PTK2B: variants seen among roughly 807,000 people sequenced by gnomAD.
PTK2B encodes protein tyrosine kinase 2 beta.
Under a neutral mutation model 142.9 loss-of-function variants are expected in PTK2B, and 71 were observed. That is an observed-to-expected ratio of 0.50 (90% confidence interval 0.41 to 0.61). The LOEUF (loss-of-function observed/expected upper bound fraction) is 0.61. PTK2B is among the 20% of genes least tolerant of loss of function. The probability of loss-of-function intolerance (pLI) is 0.00; values close to 1 mark genes in which losing one functional copy is unlikely to be tolerated. For synonymous variants in PTK2B, 519 were observed against 503.4 expected (o/e 1.03, Z -0.42); for missense variants, 1,105 against 1,320.4 (o/e 0.84, Z 2.53).
At position 27,436,334 on chromosome 8, in the gene PTK2B, G is replaced by T; in HGVS notation, c.1327G>T (p.Val443Phe). Residue 443 changes from valine (V) to phenylalanine (F), a missense_variant, in exon 15 of 31, where the codon GTC (valine) becomes TTC (phenylalanine). Val to Phe is a conservative substitution (Grantham distance 50). Transcript: ENST00000346049. ...EGFFGEVYEGVYTNHKGEKIN... is the reference protein window; with the variant it reads ...EGFFGEVYEGFYTNHKGEKIN... The stretch of plus-strand genomic sequence containing the variant: ...CTTTTTTGGGGAGGTCTATGAAGGT[G>T]TCTACACAAATCACGTGAGTTCTAG... The T allele has an allele frequency of 3.7e-6, 6 of 1,613,336 alleles. No homozygotes were observed. Among genetic ancestry groups the T allele is most frequent in the Non-Finnish European group, 5.1e-6 (6 of 1,179,294 alleles).
At chr8:27,320,140 A>T (rs1803179875) in intron 3 of PTK2B, among the ~76,000 whole-genome samples, 1 of 152,008 alleles carries the variant, frequency 6.6e-6, no homozygotes, top group South Asian at 2.1e-4. Context: ...TGCGATTCAA[A>T]CTGTGAGGTA....
intron 1 of PTK2B, among the ~76,000 whole-genome samples, chr8:27,392,638 C>T (rs374427879): frequency 6.6e-4 from 100 of 152,194 alleles, no homozygotes; most frequent in South Asian, 4.2e-3. Context: ...GCAGGGTGAG[C>T]GCAAGGGAAG....
At chr8:27,371,175 TG>T (rs1308618280) in intron 1 of PTK2B, among the ~76,000 whole-genome samples, 5 of 152,194 alleles carry the variant, frequency 3.3e-5, no homozygotes. Context: ...ATTACAGGCA[TG>T]AGCCAACACA....
At chr8:27,451,898 G>GTTTTTTA in intron 27 of PTK2B, 1 of 464,024 alleles carries the variant, frequency 2.2e-6, no homozygotes, top group Non-Finnish European at 3.0e-6. Context: ...AGGCCTGAGG[G>GTTTTTTA]ACAGAGGAGA....
intron 1 of PTK2B, among the ~76,000 whole-genome samples, chr8:27,332,658 A>T (rs2322607): frequency 0.74 from 111,890 of 151,962 alleles, 41,829 homozygotes; most frequent in African/African-American, 0.82. Context: ...CACACCTCAC[A>T]GCAACCTTGA....
chr8:27,361,464 T>C (rs1267152595), intron 1 of PTK2B, among the ~76,000 whole-genome samples: 1 of 152,200 alleles, frequency 6.6e-6, no homozygotes, highest in Non-Finnish European at 1.5e-5. Flanking sequence ...CCTCAAGCGA[T>C]GCTCCCACTT....
intron 1 of PTK2B, among the ~76,000 whole-genome samples, chr8:27,349,227 A>G (rs1804896948): frequency 6.6e-6 from 1 of 152,142 alleles, no homozygotes; most frequent in Non-Finnish European, 1.5e-5. Context: ...TGTATTTCCA[A>G]TCCCAGATCC....
Position 27,458,463 on chromosome 8 carries a change from AC to A in PTK2B, c.2986del (p.Gln996ArgfsTer105). ...GCCAAGAACCTGCTCGACGCTGTGG[AC>A]CAGGCCAAGGTTCTGGCCAATCTGG... is the stretch of plus-strand genomic sequence containing the variant. ...VDAKNLLDAV[D>X]QAKVLANLAH... On this transcript the variant is annotated frameshift_variant, in exon 31 of 31. Transcript: ENST00000346049. LOFTEE classifies it high-confidence loss of function. The A allele has an allele frequency of 1.3e-6, 2 of 1,599,844 alleles. No homozygotes were observed. Among genetic ancestry groups the A allele is most frequent in the Non-Finnish European group, 1.7e-6 (2 of 1,173,278 alleles).
rs370100538 is a variant in PTK2B, at chr8:27,442,871, G to T, written c.2040-4G>T. 30 of 1,612,388 alleles carry T rather than the reference G, an allele frequency of 1.9e-5. No individual in the cohort carries two copies. In the African/African-American group the frequency reaches 3.1e-4, roughly 16 times the overall value. Reference sequence around the variant, plus strand: ...CTCTCCTTATCTGACGTGACTCCCTGCAGTGACGTTTATCAGATGGAGAAG... The same window carrying T: ...CTCTCCTTATCTGACGTGACTCCCTTCAGTGACGTTTATCAGATGGAGAAG... On this transcript the variant is annotated splice_region_variant and splice_polypyrimidine_tract_variant and intron_variant, in intron 21 of 30. Coordinates refer to ENST00000346049, the MANE Select transcript of PTK2B (RefSeq NM_173176.3).
chr8:27,369,533 G>A lies in PTK2B; in HGVS notation c.-37-28015G>A, dbSNP rs187291594. Among the ~76,000 whole-genome samples the A allele has an allele frequency of 6.6e-4, 99 of 149,612 alleles. No individual in the cohort carries two copies. In the Middle Eastern group the frequency reaches 0.012, roughly 18 times the overall value. On this transcript the variant is annotated intron_variant, in intron 1 of 30. Coordinates refer to ENST00000346049, the MANE Select transcript of PTK2B (RefSeq NM_173176.3). The stretch of plus-strand genomic sequence containing the variant: ...AAAAATACAAAAATTAGCCAGGCGT[G>A]GTGGTGGGTGCCTTTTGTCCCAGCT...
In PTK2B at chr8:27,383,737, G is replaced by C. The variant is rs1288101527; in HGVS notation, c.-37-13811G>C. Among the ~76,000 whole-genome samples the C allele has an allele frequency of 2.6e-5, 4 of 152,228 alleles. No homozygotes were observed. In the South Asian group the frequency reaches 8.3e-4, roughly 32 times the overall value. ...GTCTCACTCTGTTGCCCAGGCTGGA[G>C]TACATTGGCACCATCATAGCTCACT... On this transcript the variant is annotated intron_variant, in intron 1 of 30. Coordinates refer to ENST00000346049, the MANE Select transcript of PTK2B (RefSeq NM_173176.3).
intron 30 of PTK2B, among the ~76,000 whole-genome samples, chr8:27,457,467 A>G (rs989656766): frequency 6.6e-6 from 1 of 152,198 alleles, no homozygotes; most frequent in East Asian, 1.9e-4. Context: ...TTCAACTTCT[A>G]TTATTTAAGA....
intron 2 of PTK2B, among the ~76,000 whole-genome samples, chr8:27,399,898 T>C (rs1808271730): frequency 6.6e-6 from 1 of 152,184 alleles, no homozygotes; most frequent in African/African-American, 2.4e-5. Flanking sequence ...CTTCAGTCTC[T>C]TCACCCGGGG....
At position 27,350,988 on chromosome 8, in the gene PTK2B, AAAATATATATATATATATAT is replaced by A. The variant is rs1481572968; in HGVS notation, c.-38+25309_-38+25328del. On this transcript the variant is annotated intron_variant, in intron 1 of 30. Coordinates refer to ENST00000346049, the MANE Select transcript of PTK2B (RefSeq NM_173176.3). ...AAGTCTCCGTCTCAAAAAAAAAAAAAAAATATATATATATATATATATATATATATATATATATATATATA... is the reference window on the plus strand; with the variant it reads ...AAGTCTCCGTCTCAAAAAAAAAAAAAATATATATATATATATATATATATA... Among the ~76,000 whole-genome samples, 37 of 16,210 alleles carry A rather than the reference AAAATATATATATATATATAT, an allele frequency of 2.3e-3. 9 individuals are homozygous for A. Among genetic ancestry groups the A allele is most frequent in the African/African-American group, 7.4e-3 (34 of 4,578 alleles). 10.6% of individuals were successfully genotyped at this position (16,210 alleles called of 152,430 possible).
chr8:27,311,129 C>T (rs1195465299), upstream of PTK2B: 3 of 1,602,060 alleles, frequency 1.9e-6, no homozygotes, highest in South Asian at 3.4e-5. Flanking sequence ...GTTGTGGCCG[C>T]AGCGCAGAGT....
chr8:27,415,023 C>T (rs1264053623), intron 2 of PTK2B, among the ~76,000 whole-genome samples: 3 of 152,136 alleles, frequency 2.0e-5, no homozygotes, highest in East Asian at 1.9e-4. Context: ...CACCAGTCTG[C>T]GAAGGAGATT....
At chr8:27,415,854 G>C (rs372917841) in intron 2 of PTK2B, among the ~76,000 whole-genome samples, 2 of 152,136 alleles carry the variant, frequency 1.3e-5, no homozygotes, top group African/African-American at 4.8e-5. Flanking sequence ...TGTTGAAAAT[G>C]ATAAAACATT....
chr8:27,397,853 CA>C, intron 2 of PTK2B, 65 bp downstream of exon 2: 4 of 554,238 alleles, frequency 7.2e-6, no homozygotes, highest in Non-Finnish European at 1.1e-5. Context: ...GGCAGCTGAG[CA>C]GCTCTCCTGC....
intron 1 of PTK2B, among the ~76,000 whole-genome samples, chr8:27,381,713 GT>G (rs952546958): frequency 6.6e-6 from 1 of 152,162 alleles, no homozygotes; most frequent in African/African-American, 2.4e-5. Flanking sequence ...TCTATTTGTA[GT>G]TTTTTTGAGG....
Sources: allele counts gnomAD v4.1 joint callset (sites outside exome capture counted in the v4.1 genomes callset), GRCh38; gene constraint gnomAD v4.1.1; transcripts MANE v1.5; gene names NCBI Gene and HGNC (gene_info 2026-07-23, HGNC 2026-07-21).